MSI2: variants seen among roughly 807,000 people sequenced by gnomAD.
MSI2 encodes RNA-binding protein Musashi homolog 2.
A neutral mutation model predicts 45.6 loss-of-function variants in MSI2; 17 were observed. The observed-to-expected ratio is 0.37, with a 90% CI of 0.26 to 0.56. MSI2 has a LOEUF of 0.56. MSI2 is among the 20% of genes least tolerant of loss of function. The pLI is 0.77. For missense variants in MSI2, 293 were observed against 444.2 expected (o/e 0.66, Z 3.06); for synonymous variants, 156 against 158.2 (o/e 0.99, Z 0.11).
chr17:57,657,413 A>C (rs995051589), intron 11 of MSI2, among the ~76,000 whole-genome samples: 10 of 152,260 alleles, frequency 6.6e-5, no homozygotes, highest in African/African-American at 2.4e-4. Flanking sequence ...CTGGGGAGTA[A>C]GAGAAGAGGG....
At position 57,552,365 on chromosome 17, in the gene MSI2, G is replaced by C. The variant is rs568453002; in HGVS notation, c.454+22641G>C. ...TGCCTGCTGCTTGTCTCTGATTATG[G>C]AGACCAGCCAGCACCCCCCAACCCA... On this transcript the variant is annotated intron_variant, in intron 7 of 13. Transcript: ENST00000284073. This position sits in a 1 kb window ranked among gnomAD's most constrained non-coding sequence, Gnocchi z 4.3. Among the ~76,000 whole-genome samples the C allele has an allele frequency of 2.8e-4, 42 of 152,254 alleles. No homozygotes were observed. In the South Asian group the frequency reaches 8.5e-3, roughly 31 times the overall value.
chr17:57,652,169 G>C lies in MSI2; in HGVS notation c.790+8G>C. 1 of 1,613,850 alleles carries C rather than the reference G, an allele frequency of 6.2e-7. No individual in the cohort carries two copies. Reference sequence around the variant, plus strand: ...CGGCAGCAAGAGGATCAGGTAGGAAGGTGTATGGGACAGGCGACTCCCAGG... The same window carrying C: ...CGGCAGCAAGAGGATCAGGTAGGAACGTGTATGGGACAGGCGACTCCCAGG... On this transcript the variant is annotated splice_region_variant and intron_variant, in intron 11 of 13. Coordinates refer to ENST00000284073, the MANE Select transcript of MSI2 (RefSeq NM_138962.4). This position sits in a 1 kb window ranked among gnomAD's most constrained non-coding sequence, Gnocchi z 4.1.
At position 57,584,597 on chromosome 17, in the gene MSI2, C is replaced by T. The variant is rs1284945236; in HGVS notation, c.455-12271C>T. ...TTGTGGCAGCGCTGAAAACCTGCTC[C>T]AAGTAGTGGTTTCTTGATGGAGTTT... On this transcript the variant is annotated intron_variant, in intron 7 of 13. Coordinates refer to ENST00000284073, the MANE Select transcript of MSI2 (RefSeq NM_138962.4). Among the ~76,000 whole-genome samples the T allele has an allele frequency of 2.0e-5, 3 of 152,174 alleles. 1 individual carries two copies. Among genetic ancestry groups the T allele is most frequent in the African/African-American group, 4.8e-5 (2 of 41,438 alleles).
intron 7 of MSI2, among the ~76,000 whole-genome samples, chr17:57,535,804 T>A (rs1197192568): frequency 1.3e-5 from 2 of 152,238 alleles, no homozygotes; most frequent in East Asian, 1.9e-4. Flanking sequence ...GGGTTCTTCC[T>A]GGAGCTTGCT....
At chr17:57,471,396 T>TA (rs1328964942) in intron 6 of MSI2, among the ~76,000 whole-genome samples, 11 of 148,556 alleles carry the variant, frequency 7.4e-5, no homozygotes, top group African/African-American at 2.5e-4. Flanking sequence ...GTTCAAGCCA[T>TA]TCTCCTGCCT....
intron 10 of MSI2, among the ~76,000 whole-genome samples, chr17:57,641,134 T>C (rs1406627579): frequency 6.6e-6 from 1 of 152,204 alleles, no homozygotes; most frequent in Non-Finnish European, 1.5e-5. Flanking sequence ...GTAAAAGGGT[T>C]GGTGGTGTCT....
chr17:57,292,004 T>G (rs1284148856), intron 5 of MSI2, among the ~76,000 whole-genome samples: 1 of 151,148 alleles, frequency 6.6e-6, no homozygotes, highest in Non-Finnish European at 1.5e-5. Flanking sequence ...TGCTGGAGAT[T>G]GGGAGTCAGG....
chr17:57,396,070 A>G (rs1293597539), intron 5 of MSI2, among the ~76,000 whole-genome samples: 1 of 152,212 alleles, frequency 6.6e-6, no homozygotes, highest in African/African-American at 2.4e-5. Flanking sequence ...TTGGGGAGTG[A>G]AGATGGCTTA....
Position 57,616,478 on chromosome 17 carries a change from G to C in MSI2, c.652+394G>C, listed in dbSNP as rs571880015. On this transcript the variant is annotated intron_variant, in intron 9 of 13. Coordinates refer to ENST00000284073, the MANE Select transcript of MSI2 (RefSeq NM_138962.4). ...CTCCTGGCTGACTTGACTTGTGTGG[G>C]CTAAGGCTACGTTTTCTAAAACTTG... 1.3e-3 allele frequency: 204 copies of C among 156,300 alleles called. 3 individuals carry two copies. Among genetic ancestry groups the C allele is most frequent in the South Asian group, 2.3e-3 (11 of 4,878 alleles). The allele number at this position is 156,300 out of a possible 1,614,324, so 9.7% of individuals were successfully genotyped here. A position where few individuals can be genotyped will look rare whatever the true frequency, so the allele number is the denominator to read the frequency against.
chr17:57,442,795 C>T (rs183193122), intron 6 of MSI2, among the ~76,000 whole-genome samples: 29 of 152,280 alleles, frequency 1.9e-4, no homozygotes, highest in African/African-American at 2.6e-4. Context: ...CATCTCCTGC[C>T]GGCACGCTGG....
At chr17:57,527,417 C>T (rs2332929) in intron 6 of MSI2, among the ~76,000 whole-genome samples, 91,834 of 151,880 alleles carry the variant, frequency 0.6, 29,085 homozygotes, top group Non-Finnish European at 0.71. Flanking sequence ...GTGTGGTGCA[C>T]GGGAGGTGGA....
intron 6 of MSI2, among the ~76,000 whole-genome samples, chr17:57,499,712 TCATGAGGTTGCAGTCAGA>T (rs1288739542): frequency 1.3e-5 from 2 of 152,216 alleles, no homozygotes; most frequent in African/African-American, 4.8e-5. Flanking sequence ...TGGGAGCATC[TCATGAGGTTGCAGTCAGA>T]CATGAGGTTG....
intron 5 of MSI2, among the ~76,000 whole-genome samples, chr17:57,286,561 C>T (rs1909895907): frequency 6.6e-6 from 1 of 151,766 alleles, no homozygotes; most frequent in Non-Finnish European, 1.5e-5. Flanking sequence ...GTTTGGCGTG[C>T]CCCTGTTGGT....
intron 6 of MSI2, among the ~76,000 whole-genome samples, chr17:57,505,786 G>A (rs1027993516): frequency 3.3e-5 from 5 of 152,158 alleles, no homozygotes; most frequent in South Asian, 2.1e-4. Flanking sequence ...GGGTGGAGTC[G>A]GGGGACAAGG....
At chr17:57,507,744 G>T (rs1258415723) in intron 6 of MSI2, among the ~76,000 whole-genome samples, 2 of 152,142 alleles carry the variant, frequency 1.3e-5, no homozygotes, top group Non-Finnish European at 2.9e-5. Context: ...CTTTGAAGGG[G>T]ATGATGACCA....
chr17:57,288,360 G>T (rs976708176), intron 5 of MSI2, among the ~76,000 whole-genome samples: 2 of 152,198 alleles, frequency 1.3e-5, no homozygotes, highest in African/African-American at 4.8e-5. Context: ...TGATTTTACT[G>T]CTTTGGACCG....
intron 5 of MSI2, among the ~76,000 whole-genome samples, chr17:57,347,433 A>G (rs1237607676): frequency 2.0e-5 from 3 of 152,210 alleles, no homozygotes; most frequent in African/African-American, 7.2e-5. Context: ...AAGAAAAGAA[A>G]CACATCTACC....
chr17:57,503,548 G>A (rs2086161411), intron 6 of MSI2, among the ~76,000 whole-genome samples: 2 of 152,180 alleles, frequency 1.3e-5, no homozygotes. Flanking sequence ...CTAGCCCAAG[G>A]TCACTTCACA....
intron 6 of MSI2, among the ~76,000 whole-genome samples, chr17:57,515,201 T>C (rs897350332): frequency 6.6e-6 from 1 of 152,106 alleles, no homozygotes; most frequent in Non-Finnish European, 1.5e-5. Flanking sequence ...TATCTGAGTC[T>C]ATTTTGTTTT....
Sources: allele counts gnomAD v4.1 joint callset (sites outside exome capture counted in the v4.1 genomes callset), GRCh38; gene constraint gnomAD v4.1.1; non-coding constraint Gnocchi (gnomAD v3.1); transcripts MANE v1.5; gene names NCBI Gene and HGNC (gene_info 2026-07-23, HGNC 2026-07-21).